The following JARID2 variants were observed in gnomAD, a reference collection of about 807,000 sequenced individuals.
The protein encoded by JARID2 is protein Jumonji.
In JARID2, 21 loss-of-function variants were observed where a neutral mutation model predicts 125.6. That is an observed-to-expected ratio of 0.17 (90% CI 0.12 to 0.24). The LOEUF (loss-of-function observed/expected upper bound fraction) is 0.24, where lower values mean the gene tolerates loss of function less well. Among genes scored for constraint, JARID2 ranks in the 10% least tolerant of loss-of-function variants. The probability of loss-of-function intolerance (pLI) is 1.00; values close to 1 mark genes in which losing one functional copy is unlikely to be tolerated. For synonymous variants in JARID2, 736 were observed against 661.6 expected (o/e 1.11, Z -1.73); for missense variants, 1,303 against 1,639.6 (o/e 0.79, Z 3.55).
chr6:15,332,935 CTTTTT>C (rs33921682), intron 1 of JARID2, among the ~76,000 whole-genome samples: 635 of 42,066 alleles, frequency 0.015, 1 homozygote, highest in African/African-American at 0.032. Flanking sequence ...CTTTTCTTTT[CTTTTT>C]TTTTTTTTTT....
intron 5 of JARID2, among the ~76,000 whole-genome samples, chr6:15,472,076 T>C (rs1451469859): frequency 6.6e-6 from 1 of 151,966 alleles, no homozygotes; most frequent in African/African-American, 2.4e-5. Context: ...CCAGGAACAG[T>C]GTTGGGATTT....
chr6:15,348,537 A>G (rs955794075), intron 1 of JARID2, among the ~76,000 whole-genome samples: 1 of 152,208 alleles, frequency 6.6e-6, no homozygotes, highest in Non-Finnish European at 1.5e-5. Context: ...GCTCATAGAA[A>G]TGCTTTAAAG....
At chr6:15,465,410 C>T (rs1024009478) in intron 4 of JARID2, among the ~76,000 whole-genome samples, 1 of 152,198 alleles carries the variant, frequency 6.6e-6, no homozygotes. Flanking sequence ...ATGATCACAC[C>T]ACTGCATTCC....
chr6:15,503,535 T>TC (rs565679101), intron 8 of JARID2, among the ~76,000 whole-genome samples: 39 of 152,100 alleles, frequency 2.6e-4, no homozygotes, highest in African/African-American at 9.2e-4. Flanking sequence ...CTGACCACCC[T>TC]CCCCCACTCT....
intron 3 of JARID2, among the ~76,000 whole-genome samples, chr6:15,410,873 G>A (rs1765846789): frequency 6.6e-6 from 1 of 152,176 alleles, no homozygotes; most frequent in Admixed American, 6.5e-5. Flanking sequence ...TTAAAACTTA[G>A]AACAGCAGTT....
chr6:15,254,400 TG>T (rs1759573851), intron 1 of JARID2, among the ~76,000 whole-genome samples: 1 of 152,154 alleles, frequency 6.6e-6, no homozygotes, highest in African/African-American at 2.4e-5. Flanking sequence ...CATGGAGCAC[TG>T]GGGAAATCAT....
In JARID2 at chr6:15,302,676, A is replaced by G. The variant is rs79757185; in HGVS notation, c.45+56092A>G. On this transcript the variant is annotated intron_variant, in intron 1 of 17. Transcript: ENST00000341776. ...GATAGCCAACCTTAAGGCAAAGGATAACATATAACCTCATTTTGTATCTGT... is the reference window on the plus strand; with the variant it reads ...GATAGCCAACCTTAAGGCAAAGGATGACATATAACCTCATTTTGTATCTGT... Among the ~76,000 whole-genome samples the G allele has an allele frequency of 7.7e-3, 1,176 of 152,304 alleles. 11 individuals are homozygous for G. The highest frequency in any genetic ancestry group is 0.027 in the African/African-American group (1,116 of 41,556).
chr6:15,503,397 C>G (rs904366853), intron 8 of JARID2, among the ~76,000 whole-genome samples: 1 of 152,232 alleles, frequency 6.6e-6, no homozygotes, highest in Non-Finnish European at 1.5e-5. Context: ...GAGAAAGGCA[C>G]AAGCCAATGT....
At chr6:15,333,185 G>A (rs1008464878) in intron 1 of JARID2, among the ~76,000 whole-genome samples, 1 of 152,004 alleles carries the variant, frequency 6.6e-6, no homozygotes, top group African/African-American at 2.4e-5. Flanking sequence ...ACCCGCCTCG[G>A]CCTCCCAAAG....
chr6:15,339,393 C>T (rs1762989304), intron 1 of JARID2, among the ~76,000 whole-genome samples: 1 of 151,994 alleles, frequency 6.6e-6, no homozygotes, highest in African/African-American at 2.4e-5. Flanking sequence ...GGCCCTGGGA[C>T]CAGAAATTAC....
intron 3 of JARID2, among the ~76,000 whole-genome samples, chr6:15,430,282 G>A (rs1766915235): frequency 6.6e-6 from 1 of 152,088 alleles, no homozygotes; most frequent in Admixed American, 6.6e-5. Flanking sequence ...CAATTTCTGT[G>A]ACATTAAAAT....
chr6:15,372,330 A>C (rs1255834003), intron 1 of JARID2, among the ~76,000 whole-genome samples: 1 of 152,004 alleles, frequency 6.6e-6, no homozygotes, highest in African/African-American at 2.4e-5. Context: ...AAATACCCCA[A>C]ATCATGATTT....
At chr6:15,520,009 A>G in intron 17 of JARID2, 60 bp from the exon 18 acceptor site, 1 of 1,458,136 alleles carries the variant, frequency 6.9e-7, no homozygotes, top group Non-Finnish European at 9.3e-7. Flanking sequence ...CATGGCTCTC[A>G]GGGACAGAGC....
At chr6:15,451,623 A>T (rs1052963875) in intron 3 of JARID2, among the ~76,000 whole-genome samples, 1 of 152,208 alleles carries the variant, frequency 6.6e-6, no homozygotes, top group Non-Finnish European at 1.5e-5. Flanking sequence ...ATACAGCAGG[A>T]TAATGTAGTG....
At chr6:15,302,606 A>G (rs1004509610) in intron 1 of JARID2, among the ~76,000 whole-genome samples, 6 of 152,168 alleles carry the variant, frequency 3.9e-5, no homozygotes, top group African/African-American at 1.4e-4. Flanking sequence ...ACCCACTTTT[A>G]GTTAAGTGAG....
At chr6:15,414,239 C>T (rs1229104960) in intron 3 of JARID2, among the ~76,000 whole-genome samples, 1 of 152,144 alleles carries the variant, frequency 6.6e-6, no homozygotes, top group East Asian at 1.9e-4. Context: ...ATCTAGTCTG[C>T]TTTTCCAACC....
At chr6:15,430,088 C>G (rs1209689056) in intron 3 of JARID2, among the ~76,000 whole-genome samples, 4 of 152,176 alleles carry the variant, frequency 2.6e-5, no homozygotes, top group African/African-American at 9.7e-5. Context: ...AGGGTTAACT[C>G]CAGCTTTCTG....
At position 15,520,746 on chromosome 6, in the gene JARID2, C is replaced by T. The variant is rs114958726; in HGVS notation, c.*495C>T. 4.6e-3 allele frequency: 2,078 copies of T among 455,846 alleles called. 7 individuals carry two copies. Among genetic ancestry groups the T allele is most frequent in the African/African-American group, 6.9e-3 (345 of 50,146 alleles). The allele number at this position is 455,846 out of a possible 1,614,324, so 28.2% of individuals were successfully genotyped here. A position where few individuals can be genotyped will look rare whatever the true frequency, so the allele number is the denominator to read the frequency against. ...CTTTGCTTTGGCTGTCGTCTTCTGCCGTGTGCCAGATGAGCTTGTGATCTG... is the reference window on the plus strand; with the variant it reads ...CTTTGCTTTGGCTGTCGTCTTCTGCTGTGTGCCAGATGAGCTTGTGATCTG... On this transcript the variant is annotated 3_prime_UTR_variant, in exon 18 of 18. Transcript: ENST00000341776.
At chr6:15,316,652 A>G (rs1371551172) in intron 1 of JARID2, among the ~76,000 whole-genome samples, 1 of 151,954 alleles carries the variant, frequency 6.6e-6, no homozygotes, top group African/African-American at 2.4e-5. Flanking sequence ...ACAGGCACCC[A>G]CCACCATGCC....
Sources: allele counts gnomAD v4.1 joint callset (sites outside exome capture counted in the v4.1 genomes callset), GRCh38; gene constraint gnomAD v4.1.1; transcripts MANE v1.5; gene names NCBI Gene and HGNC (gene_info 2026-07-23, HGNC 2026-07-21).